The following TTC29 variants were observed in gnomAD, a reference collection of about 807,000 sequenced individuals.
The protein encoded by TTC29 is tetratricopeptide repeat domain 29.
TTC29 carries 49 observed loss-of-function variants against 58.1 expected under a neutral mutation model. The observed-to-expected ratio is 0.84, with a 90% CI of 0.67 to 1.07. The LOEUF (loss-of-function observed/expected upper bound fraction) is 1.07. Among genes scored for constraint, TTC29 ranks in the 50% least tolerant of loss-of-function variants. The pLI is 0.00. For synonymous variants in TTC29, 209 were observed against 196.8 expected (o/e 1.06, Z -0.52); for missense variants, 582 against 555.6 (o/e 1.05, Z -0.48).
chr4:146,723,330 G>A (rs2150008105), intron 11 of TTC29, among the ~76,000 whole-genome samples: 1 of 152,162 alleles, frequency 6.6e-6, no homozygotes, highest in South Asian at 2.1e-4. Context: ...ATGGGCCTTG[G>A]GAAATAATTT....
chr4:146,869,627 CAA>C (rs1730798721), intron 7 of TTC29, among the ~76,000 whole-genome samples: 1 of 152,032 alleles, frequency 6.6e-6, no homozygotes, highest in Admixed American at 6.6e-5. Context: ...TTTTCTGTGT[CAA>C]GTGGTGTAAC....
At chr4:146,871,400 T>C (rs1362549191) in intron 7 of TTC29, among the ~76,000 whole-genome samples, 1 of 151,926 alleles carries the variant, frequency 6.6e-6, no homozygotes, top group Admixed American at 6.6e-5. Context: ...TTAAAACTGT[T>C]GCACTAGAGG....
intron 11 of TTC29, among the ~76,000 whole-genome samples, chr4:146,747,848 G>A (rs1745664048): frequency 6.6e-6 from 1 of 152,144 alleles, no homozygotes; most frequent in South Asian, 2.1e-4. Context: ...CAGTCATCAG[G>A]CCAAATGGCC....
chr4:146,773,346 C>T (rs142201627), intron 11 of TTC29, among the ~76,000 whole-genome samples: 61 of 152,164 alleles, frequency 4.0e-4, no homozygotes, highest in African/African-American at 1.3e-3. Flanking sequence ...ATGATGTTGG[C>T]TGTGTGTTTG....
intron 6 of TTC29, among the ~76,000 whole-genome samples, chr4:146,901,218 A>C (rs1215029753): frequency 6.6e-6 from 1 of 152,180 alleles, no homozygotes; most frequent in East Asian, 1.9e-4. Context: ...ATTTTTAACA[A>C]ATTTCTCAAT....
intron 11 of TTC29, among the ~76,000 whole-genome samples, chr4:146,763,538 G>A (rs773273827): frequency 6.6e-6 from 1 of 152,058 alleles, no homozygotes; most frequent in Admixed American, 6.6e-5. Context: ...AGACTGGAAA[G>A]GGTTTTTTAA....
chr4:146,810,748 G>A lies in TTC29; in HGVS notation c.1102-7063C>T, dbSNP rs931606740. Among the ~76,000 whole-genome samples, 51 of 151,864 alleles carry A rather than the reference G, an allele frequency of 3.4e-4. 1 individual carries two copies. The highest frequency in any genetic ancestry group is 2.1e-4 in the South Asian group (1 of 4,812). ...TGGGATTACAGGCATATGCCACCACGCTCAGTTAATTTTTTATATGTTTGG... is the reference window on the plus strand; with the variant it reads ...TGGGATTACAGGCATATGCCACCACACTCAGTTAATTTTTTATATGTTTGG... On this transcript the variant is annotated intron_variant, in intron 10 of 12. Transcript: ENST00000325106.
At chr4:146,849,646 G>A (rs991496970) in intron 8 of TTC29, among the ~76,000 whole-genome samples, 6 of 151,636 alleles carry the variant, frequency 4.0e-5, no homozygotes, top group African/African-American at 1.5e-4. Context: ...TCATTCCTTT[G>A]CCTGAAATGA....
At position 146,937,485 on chromosome 4, in the gene TTC29, C is replaced by T. The variant is rs534456029; in HGVS notation, c.176+109G>A. 116 of 704,730 alleles carry T rather than the reference C, an allele frequency of 1.6e-4. 1 individual carries two copies. In the South Asian group the frequency reaches 2.0e-3, roughly 12 times the overall value. 43.7% of individuals were successfully genotyped at this position (704,730 alleles called of 1,614,324 possible). A position where few individuals can be genotyped will look rare whatever the true frequency, so the allele number is the denominator to read the frequency against. ...TAATATGAGCTTTAATTTTTAAATG[C>T]CATGTTCCAATGAAAAAGTATATTA... On this transcript the variant is annotated intron_variant, in intron 4 of 12. Transcript: ENST00000325106.
At chr4:146,740,199 A>G (rs1400270822) in intron 11 of TTC29, among the ~76,000 whole-genome samples, 2 of 152,146 alleles carry the variant, frequency 1.3e-5, no homozygotes, top group Non-Finnish European at 2.9e-5. Flanking sequence ...TTGTTACTAC[A>G]ATCTAGCCTA....
At chr4:146,857,486 C>T (rs916514972) in intron 8 of TTC29, among the ~76,000 whole-genome samples, 5 of 152,180 alleles carry the variant, frequency 3.3e-5, no homozygotes, top group Non-Finnish European at 1.5e-5. Context: ...TGAGCCTACA[C>T]CTTGAATCAT....
intron 4 of TTC29, among the ~76,000 whole-genome samples, chr4:146,936,834 C>T (rs1018496873): frequency 1.3e-5 from 2 of 152,012 alleles, no homozygotes; most frequent in African/African-American, 2.4e-5. Flanking sequence ...CTTTTACAAA[C>T]ATTTGTTGCA....
chr4:146,799,742 T>G (rs763932210), intron 11 of TTC29, among the ~76,000 whole-genome samples: 3 of 152,234 alleles, frequency 2.0e-5, no homozygotes, highest in African/African-American at 4.8e-5. Context: ...GTTACTGATA[T>G]AATTATTATC....
chr4:146,756,680 C>A (rs1374134574), intron 11 of TTC29, among the ~76,000 whole-genome samples: 2 of 151,728 alleles, frequency 1.3e-5, no homozygotes, highest in East Asian at 3.9e-4. Context: ...TAGGTTTGGT[C>A]ATTTAACATA....
intron 10 of TTC29, among the ~76,000 whole-genome samples, 184 bp from the exon 11 acceptor site, chr4:146,803,869 A>G (rs1238670332): frequency 1.3e-5 from 2 of 152,200 alleles, no homozygotes; most frequent in Non-Finnish European, 2.9e-5. Context: ...GTGATTACTC[A>G]CCATTCAATA....
intron 11 of TTC29, among the ~76,000 whole-genome samples, chr4:146,712,786 G>A (rs1286140722): frequency 3.3e-5 from 5 of 152,086 alleles, no homozygotes; most frequent in African/African-American, 1.2e-4. Context: ...AGGGTGCCAT[G>A]CCATTATCAT....
Position 146,939,859 on chromosome 4 carries a change from T to A in TTC29, c.37A>T (p.Lys13Ter), listed in dbSNP as rs199909937. Residue 13 changes from lysine (K) to a stop codon, truncating the protein, a stop_gained, in exon 3 of 13, where the codon AAG (lysine) becomes TAG (stop). Coordinates refer to ENST00000325106, the MANE Select transcript of TTC29 (RefSeq NM_031956.4). LOFTEE classifies it high-confidence loss of function. ...TLPPLPMTRP[K>*]LTALARQKLP... ...TTCTGTCTGGCTAAGGCTGTAAGCT[T>A]CGGGCGTGTCATGGGCAGTGGGGGC... is the stretch of plus-strand genomic sequence containing the variant. The A allele has an allele frequency of 4.0e-5, 65 of 1,613,328 alleles. No individual in the cohort carries two copies. Among genetic ancestry groups the A allele is most frequent in the Non-Finnish European group, 5.3e-5 (62 of 1,179,724 alleles).
intron 6 of TTC29, among the ~76,000 whole-genome samples, chr4:146,879,172 A>C (rs973440985): frequency 2.0e-5 from 3 of 152,210 alleles, no homozygotes; most frequent in South Asian, 2.1e-4. Context: ...CACACAAATG[A>C]CTTATCTGCA....
chr4:146,740,605 T>G (rs1745055392), intron 11 of TTC29, among the ~76,000 whole-genome samples: 1 of 152,104 alleles, frequency 6.6e-6, no homozygotes, highest in African/African-American at 2.4e-5. Context: ...GTAAATGTGA[T>G]AGACACAAAT....
Sources: allele counts gnomAD v4.1 joint callset (sites outside exome capture counted in the v4.1 genomes callset), GRCh38; gene constraint gnomAD v4.1.1; transcripts MANE v1.5; gene names NCBI Gene and HGNC (gene_info 2026-07-23, HGNC 2026-07-21).